The following ANKIB1 variants were observed in gnomAD, a reference collection of about 807,000 sequenced individuals.
ANKIB1 encodes ankyrin repeat and IBR domain containing 1.
Under a neutral mutation model 122.1 loss-of-function variants are expected in ANKIB1, and 43 were observed. The observed-to-expected ratio is 0.35, with a 90% CI of 0.28 to 0.45. ANKIB1 has a LOEUF of 0.45. Among genes scored for constraint, ANKIB1 ranks in the 20% least tolerant of loss-of-function variants. The pLI is 1.00. For synonymous variants in ANKIB1, 390 were observed against 442.0 expected, an observed-to-expected ratio of 0.88 and a Z score of 1.48; for missense variants, 992 against 1,329.5, an observed-to-expected ratio of 0.75 and a Z score of 3.95.
At chr7:92,365,106 G>A (rs1477477853) in intron 10 of ANKIB1, among the ~76,000 whole-genome samples, 1 of 152,164 alleles carries the variant, frequency 6.6e-6, no homozygotes, top group Non-Finnish European at 1.5e-5. Context: ...CGTTTATTGA[G>A]TGCTGTTTTA....
At chr7:92,349,911 G>A (rs1357114538) in intron 7 of ANKIB1, among the ~76,000 whole-genome samples, 2 of 150,984 alleles carry the variant, frequency 1.3e-5, no homozygotes, top group Non-Finnish European at 2.9e-5. Context: ...TAGTACATGC[G>A]TGTAATCCCA....
intron 11 of ANKIB1, among the ~76,000 whole-genome samples, chr7:92,371,875 C>T (rs1804262597): frequency 6.6e-6 from 1 of 151,382 alleles, no homozygotes; most frequent in Non-Finnish European, 1.5e-5. Context: ...ACCAGAAGAT[C>T]AGAAATTCAT....
intron 2 of ANKIB1, 133 bp from the exon 3 acceptor site, chr7:92,307,225 AC>A: frequency 1.2e-6 from 1 of 865,796 alleles, no homozygotes; most frequent in South Asian, 1.9e-5. Flanking sequence ...GCTGTTGTAA[AC>A]CAGACCCTCA....
intron 18 of ANKIB1, 110 bp downstream of exon 18, chr7:92,396,586 A>G: frequency 1.6e-6 from 1 of 630,474 alleles, no homozygotes; most frequent in Non-Finnish European, 2.8e-6. Context: ...ATATACAATA[A>G]ATATGCAGAT....
intron 1 of ANKIB1, among the ~76,000 whole-genome samples, chr7:92,279,927 T>G (rs994242016): frequency 6.6e-6 from 1 of 152,146 alleles, no homozygotes; most frequent in Admixed American, 6.6e-5. Flanking sequence ...TGTCAGCCTC[T>G]ACGGGTCAGA....
rs761376550 is a variant in ANKIB1, at chr7:92,311,725, CA to C, written c.486+4070del. 8.8e-3 allele frequency among the ~76,000 whole-genome samples: 1,083 copies of C among 123,010 alleles called. 16 individuals carry two copies. Among genetic ancestry groups the C allele is most frequent in the Non-Finnish European group, 8.4e-3 (469 of 55,532 alleles). 80.7% of individuals were successfully genotyped at this position (123,010 alleles called of 152,430 possible). A position where few individuals can be genotyped will look rare whatever the true frequency, so the allele number is the denominator to read the frequency against. ...TATGTTCTGTAATAAGCGCCCCCCC[CA>C]CACACACACACACAGAACATAAAAT... is the stretch of plus-strand genomic sequence containing the variant. On this transcript the variant is annotated intron_variant, in intron 3 of 19. Coordinates refer to ENST00000265742, the MANE Select transcript of ANKIB1 (RefSeq NM_019004.2).
intron 3 of ANKIB1, among the ~76,000 whole-genome samples, chr7:92,315,851 A>C (rs1338179963): frequency 6.6e-6 from 1 of 152,160 alleles, no homozygotes; most frequent in East Asian, 1.9e-4. Flanking sequence ...TAATTTGAGA[A>C]ATGTGAAGGC....
At chr7:92,374,730 T>C (rs1208796995) in intron 11 of ANKIB1, among the ~76,000 whole-genome samples, 1 of 151,208 alleles carries the variant, frequency 6.6e-6, no homozygotes, top group African/African-American at 2.4e-5. Flanking sequence ...AGAAAAAAAA[T>C]AAACTTGAAG....
chr7:92,344,832 CTG>C, intron 6 of ANKIB1, 144 bp from the exon 7 acceptor site: 2 of 555,270 alleles, frequency 3.6e-6, no homozygotes, highest in Non-Finnish European at 6.4e-6. Context: ...GGCACACTAA[CTG>C]TCCTTAAAAC....
At chr7:92,337,672 A>G (rs1184688481) in intron 5 of ANKIB1, among the ~76,000 whole-genome samples, 1 of 152,200 alleles carries the variant, frequency 6.6e-6, no homozygotes, top group Non-Finnish European at 1.5e-5. Context: ...CTCTTTGTCA[A>G]ACAGACTGAA....
intron 11 of ANKIB1, among the ~76,000 whole-genome samples, chr7:92,373,625 C>T (rs908624622): frequency 2.0e-5 from 3 of 152,144 alleles, no homozygotes; most frequent in African/African-American, 7.2e-5. Context: ...AAAAGTATCA[C>T]ATTACTGCAG....
chr7:92,323,992 G>T (rs1247630206), intron 4 of ANKIB1, among the ~76,000 whole-genome samples: 1 of 152,228 alleles, frequency 6.6e-6, no homozygotes, highest in African/African-American at 2.4e-5. Flanking sequence ...GGAGCTGCTG[G>T]CTTCCTGTGA....
At position 92,246,406 on chromosome 7, in the gene ANKIB1, GGGGC is replaced by G. The variant is rs1563339607; in HGVS notation, c.-199_-196del. Reference sequence around the variant, plus strand: ...GGAAGGGGCAACCGTCCGGGTGGGTGGGGCGGGCTGGGTACCTGAGGTCACCAGC... The same window carrying G: ...GGAAGGGGCAACCGTCCGGGTGGGTGGGGCTGGGTACCTGAGGTCACCAGC... On this transcript the variant is annotated 5_prime_UTR_variant, in exon 1 of 20. Coordinates refer to ENST00000265742, the MANE Select transcript of ANKIB1 (RefSeq NM_019004.2). 1 of 506,266 alleles carries G rather than the reference GGGGC, an allele frequency of 2.0e-6. No individual in the cohort carries two copies. The highest frequency in any genetic ancestry group is 1.9e-5 in the African/African-American group (1 of 51,698). 31.4% of individuals were successfully genotyped at this position (506,266 alleles called of 1,614,324 possible).
At chr7:92,364,967 T>G (rs1804039662) in intron 10 of ANKIB1, among the ~76,000 whole-genome samples, 1 of 152,232 alleles carries the variant, frequency 6.6e-6, no homozygotes, top group Non-Finnish European at 1.5e-5. Context: ...GAACTTGAAG[T>G]ACTTACAGAA....
intron 11 of ANKIB1, among the ~76,000 whole-genome samples, chr7:92,375,950 TC>T (rs1294043526): frequency 1.3e-5 from 2 of 152,212 alleles, no homozygotes; most frequent in African/African-American, 4.8e-5. Flanking sequence ...CTTGTACATC[TC>T]CATCAGAGCT....
intron 1 of ANKIB1, among the ~76,000 whole-genome samples, chr7:92,255,788 A>T (rs370593292): frequency 1.3e-5 from 2 of 152,138 alleles, no homozygotes; most frequent in African/African-American, 2.4e-5. Context: ...AAAGTTATTT[A>T]TACGCAAACG....
At chr7:92,370,639 G>C (rs980021078) in intron 10 of ANKIB1, among the ~76,000 whole-genome samples, 47 of 148,208 alleles carry the variant, frequency 3.2e-4, no homozygotes, top group South Asian at 2.2e-4. Flanking sequence ...CCAACACATA[G>C]AAATGATAAT....
At chr7:92,326,478 A>G (rs899727259) in intron 4 of ANKIB1, among the ~76,000 whole-genome samples, 9 of 152,194 alleles carry the variant, frequency 5.9e-5, no homozygotes, top group Admixed American at 2.0e-4. Flanking sequence ...TAAGACCAGG[A>G]AATACACAGT....
intron 1 of ANKIB1, among the ~76,000 whole-genome samples, chr7:92,289,831 T>A (rs199551709): frequency 6.6e-6 from 1 of 152,238 alleles, no homozygotes; most frequent in Admixed American, 6.5e-5. Flanking sequence ...TACCTTATCC[T>A]TTGAAAGTTA....
Sources: allele counts gnomAD v4.1 joint callset (sites outside exome capture counted in the v4.1 genomes callset), GRCh38; gene constraint gnomAD v4.1.1; transcripts MANE v1.5; gene names NCBI Gene and HGNC (gene_info 2026-07-23, HGNC 2026-07-21).